Variants in RALGAPA1 observed in about 807,000 individuals in gnomAD.
The protein encoded by RALGAPA1 is ral GTPase-activating protein subunit alpha-1.
Under a neutral mutation model 269.6 loss-of-function variants are expected in RALGAPA1, and 52 were observed. The observed-to-expected ratio is 0.19, with a 90% CI of 0.15 to 0.24. The LOEUF (loss-of-function observed/expected upper bound fraction) is 0.24. Ranked by LOEUF, RALGAPA1 falls within the 10% of genes least tolerant of loss-of-function variation. RALGAPA1 has a pLI of 1.00. For missense variants in RALGAPA1, 1,917 were observed against 3,013.9 expected (o/e 0.64, Z 8.52); for synonymous variants, 817 against 1,008.3 (o/e 0.81, Z 3.60).
intron 12 of RALGAPA1, among the ~76,000 whole-genome samples, chr14:35,735,417 G>T (rs2070888305): frequency 6.6e-6 from 1 of 152,102 alleles, no homozygotes; most frequent in African/African-American, 2.4e-5. Context: ...CAGCAACCTG[G>T]GTGAGACTGG....
intron 31 of RALGAPA1, among the ~76,000 whole-genome samples, chr14:35,645,594 G>A (rs557635751): frequency 1.3e-5 from 2 of 151,932 alleles, no homozygotes; most frequent in East Asian, 1.9e-4. Context: ...AGCCAGGCGT[G>A]GTGGCGGGCG....
At chr14:35,722,601 G>C (rs182756443) in intron 15 of RALGAPA1, among the ~76,000 whole-genome samples, 1 of 151,304 alleles carries the variant, frequency 6.6e-6, no homozygotes, top group African/African-American at 2.4e-5. Context: ...AACAGAGTGA[G>C]GCCCTGTCTC....
At chr14:35,625,527 T>C in intron 34 of RALGAPA1, 95 bp from the exon 35 acceptor site, 2 of 857,050 alleles carry the variant, frequency 2.3e-6, no homozygotes, top group Non-Finnish European at 3.6e-6. Flanking sequence ...GCAACTTTTC[T>C]ACTTTTCTTG....
At chr14:35,753,886 C>T (rs771703847) in intron 7 of RALGAPA1, among the ~76,000 whole-genome samples, 6 of 152,018 alleles carry the variant, frequency 3.9e-5, no homozygotes, top group Admixed American at 6.6e-5. Flanking sequence ...TTTGGTAACC[C>T]GCGTAATTAC....
intron 5 of RALGAPA1, among the ~76,000 whole-genome samples, chr14:35,761,991 CAG>C (rs899942142): frequency 6.6e-6 from 1 of 152,146 alleles, no homozygotes; most frequent in African/African-American, 2.4e-5. Flanking sequence ...TCTCTTACTA[CAG>C]TACAATGGCA....
At chr14:35,675,462 C>G (rs1343547592) in intron 22 of RALGAPA1, among the ~76,000 whole-genome samples, 2 of 152,316 alleles carry the variant, frequency 1.3e-5, no homozygotes, top group East Asian at 3.9e-4. Flanking sequence ...AGGCGTGAGC[C>G]ACCGCACCCG....
At chr14:35,644,520 T>A (rs1380269921) in intron 31 of RALGAPA1, among the ~76,000 whole-genome samples, 1 of 152,192 alleles carries the variant, frequency 6.6e-6, no homozygotes, top group Non-Finnish European at 1.5e-5. Context: ...AAATAACTTA[T>A]GAACACATTT....
chr14:35,778,088 TCTCA>T (rs1407799445), intron 1 of RALGAPA1, among the ~76,000 whole-genome samples: 4 of 152,038 alleles, frequency 2.6e-5, no homozygotes, highest in Non-Finnish European at 4.4e-5. Context: ...GGAGACAGGG[TCTCA>T]CTCTATCACC....
chr14:35,808,784 G>C lies in RALGAPA1; in HGVS notation c.52C>G (p.Leu18Val), dbSNP rs1309385086. The change falls in exon 1 of 42, where the codon CTA (leucine) becomes GTA (valine). Residue 18 changes from leucine (L) to valine (V), a missense_variant. Leu to Val is a conservative substitution (Grantham distance 32). Around this residue, in one of 11 missense-constraint regions of RALGAPA1, gnomAD observed 462 missense variants for 725.6 expected, o/e 0.64. Coordinates refer to ENST00000680220, the MANE Select transcript of RALGAPA1 (RefSeq NM_001346249.2). ...GTCAGTGCGTCCTTCTTGGTGTCTA[G>C]CACCTTCTGGGTGGACTTCTTCACG... ...GDVKKSTQKV[L>V]DTKKDALTRL... 6.2e-7 allele frequency: 1 copy of C among 1,613,184 alleles called. No individual in the cohort carries two copies. Among genetic ancestry groups the C allele is most frequent in the East Asian group, 2.2e-5 (1 of 44,862 alleles).
chr14:35,542,514 T>G (rs1402068213), intron 41 of RALGAPA1: 1 of 152,414 alleles, frequency 6.6e-6, no homozygotes, highest in African/African-American at 2.4e-5. Context: ...TAGTTATCAG[T>G]ACTTCCTAAC....
At chr14:35,713,124 AAG>A (rs1197052143) in intron 16 of RALGAPA1, among the ~76,000 whole-genome samples, 1 of 152,226 alleles carries the variant, frequency 6.6e-6, no homozygotes, top group African/African-American at 2.4e-5. Context: ...TCACTATGAC[AAG>A]AAGGTAGAAA....
chr14:35,801,135 TA>T (rs2076941723), intron 1 of RALGAPA1, among the ~76,000 whole-genome samples: 1 of 141,284 alleles, frequency 7.1e-6, no homozygotes, highest in African/African-American at 2.6e-5. Flanking sequence ...AGAAGATCAA[TA>T]AAAGCGATAA....
At chr14:35,564,874 C>T (rs1408505621) in intron 39 of RALGAPA1, among the ~76,000 whole-genome samples, 1 of 152,102 alleles carries the variant, frequency 6.6e-6, no homozygotes, top group Non-Finnish European at 1.5e-5. Context: ...ACACTCTTTC[C>T]TGATCTTCTT....
intron 36 of RALGAPA1, among the ~76,000 whole-genome samples, chr14:35,600,408 T>A (rs1243946368): frequency 2.0e-5 from 3 of 151,812 alleles, no homozygotes; most frequent in Non-Finnish European, 4.4e-5. Flanking sequence ...TTTTTGTATA[T>A]TTTTGGAGAG....
intron 4 of RALGAPA1, chr14:35,766,900 A>T: frequency 2.3e-6 from 1 of 427,542 alleles, no homozygotes; most frequent in Non-Finnish European, 4.6e-6. Context: ...CAGGACTGTC[A>T]GCAGTGAGTA....
intron 39 of RALGAPA1, among the ~76,000 whole-genome samples, chr14:35,562,359 A>G (rs1490765483): frequency 6.6e-6 from 1 of 152,136 alleles, no homozygotes; most frequent in Admixed American, 6.5e-5. Context: ...TGGAGGGGAC[A>G]CCAAGATGTG....
At chr14:35,722,892 C>T (rs2069556689) in intron 15 of RALGAPA1, 135 bp downstream of exon 15, 5 of 509,394 alleles carry the variant, frequency 9.8e-6, no homozygotes, top group Non-Finnish European at 1.7e-5. Flanking sequence ...TATACATTTT[C>T]ATTTTGTTTA....
At chr14:35,775,405 C>A (rs1008554525) in intron 2 of RALGAPA1, among the ~76,000 whole-genome samples, 4 of 152,028 alleles carry the variant, frequency 2.6e-5, no homozygotes, top group Non-Finnish European at 5.9e-5. Flanking sequence ...TCAACCTGAC[C>A]AGTGAAAAAG....
At chr14:35,744,099 C>T (rs936300428) in intron 10 of RALGAPA1, among the ~76,000 whole-genome samples, 3 of 152,114 alleles carry the variant, frequency 2.0e-5, no homozygotes, top group Non-Finnish European at 2.9e-5. Context: ...CTGCCGGGCG[C>T]GGTGGCTCAC....
Sources: allele counts gnomAD v4.1 joint callset (sites outside exome capture counted in the v4.1 genomes callset), GRCh38; gene constraint gnomAD v4.1.1; regional missense constraint gnomAD v4.1.1; transcripts MANE v1.5; gene names NCBI Gene and HGNC (gene_info 2026-07-23, HGNC 2026-07-21).